The following MAGI2 variants were observed in gnomAD, a reference collection of about 807,000 sequenced individuals.
The protein encoded by MAGI2 is membrane associated guanylate kinase, WW and PDZ domain containing 2.
MAGI2 carries 35 observed loss-of-function variants against 133.3 expected under a neutral mutation model. The ratio of observed to expected loss-of-function variants is 0.26; its 90% CI spans 0.20 to 0.35. The LOEUF (loss-of-function observed/expected upper bound fraction) is 0.35. Ranked by LOEUF, MAGI2 falls within the 10% of genes least tolerant of loss-of-function variation. The probability of loss-of-function intolerance (pLI) is 1.00; values close to 1 mark genes in which losing one functional copy is unlikely to be tolerated. For missense variants in MAGI2, 1,636 were observed against 1,863.4 expected (o/e 0.88, Z 2.25); for synonymous variants, 729 against 710.6 (o/e 1.03, Z -0.41).
At chr7:78,483,328 T>G (rs1239158821) in intron 6 of MAGI2, among the ~76,000 whole-genome samples, 1 of 151,970 alleles carries the variant, frequency 6.6e-6, no homozygotes, top group Non-Finnish European at 1.5e-5. Flanking sequence ...ATACAATTCA[T>G]TGCTCTACAT....
At chr7:78,390,277 A>G (rs1332894132) in intron 6 of MAGI2, among the ~76,000 whole-genome samples, 1 of 152,200 alleles carries the variant, frequency 6.6e-6, no homozygotes, top group Non-Finnish European at 1.5e-5. Context: ...AACTCAAGAA[A>G]ATTATAGAAA....
intron 1 of MAGI2, among the ~76,000 whole-genome samples, chr7:79,356,870 A>G (rs965207624): frequency 2.6e-5 from 4 of 152,194 alleles, no homozygotes; most frequent in Non-Finnish European, 5.9e-5. Context: ...CTTTACATCA[A>G]TGAGTAATAC....
intron 2 of MAGI2, among the ~76,000 whole-genome samples, chr7:78,693,246 A>C (rs1817155998): frequency 6.6e-6 from 1 of 152,144 alleles, no homozygotes. Flanking sequence ...GCTTTGTGTA[A>C]AGCACATAAT....
chr7:78,766,310 G>A (rs1444483100), intron 2 of MAGI2, among the ~76,000 whole-genome samples: 3 of 152,194 alleles, frequency 2.0e-5, no homozygotes, highest in Non-Finnish European at 4.4e-5. Flanking sequence ...TCTTAAAGAT[G>A]CCTGAACTGC....
At chr7:79,205,384 A>G (rs1198975925) in intron 1 of MAGI2, among the ~76,000 whole-genome samples, 1 of 151,948 alleles carries the variant, frequency 6.6e-6, no homozygotes, top group Non-Finnish European at 1.5e-5. Context: ...ATACTGTGTC[A>G]AGCAAAACAG....
At chr7:79,417,121 T>C (rs1193551483) in intron 1 of MAGI2, among the ~76,000 whole-genome samples, 1 of 152,144 alleles carries the variant, frequency 6.6e-6, no homozygotes, top group Non-Finnish European at 1.5e-5. Context: ...TATGTTTTAT[T>C]TATCTAACTA....
chr7:78,550,928 T>G (rs1376172443), intron 3 of MAGI2, among the ~76,000 whole-genome samples: 1 of 152,220 alleles, frequency 6.6e-6, no homozygotes, highest in East Asian at 1.9e-4. Context: ...TCTTTGTATC[T>G]TCTTTTAAAA....
In MAGI2 at chr7:78,256,466, A is replaced by C; in HGVS notation, c.1524T>G (p.Arg508=). 6.2e-7 allele frequency: 1 copy of C among 1,613,974 alleles called. No individual in the cohort carries two copies. Among genetic ancestry groups the C allele is most frequent in the South Asian group, 1.1e-5 (1 of 91,082 alleles). Residue 508 remains arginine, a synonymous_variant, in exon 10 of 22, where the codon CGT becomes CGG. Transcript: ENST00000354212. ...CAGGATCAAAGGGCAAAGGGTAGCC[A>C]CGACACAACACCAGGTTGACACTCT... is the stretch of plus-strand genomic sequence containing the variant. ...IGQSVNLVLC[R]GYPLPFDPED...
At chr7:78,026,351 G>A (rs951209485) in intron 21 of MAGI2, among the ~76,000 whole-genome samples, 2 of 152,190 alleles carry the variant, frequency 1.3e-5, no homozygotes, top group African/African-American at 4.8e-5. Flanking sequence ...AAACCAGAGA[G>A]CTGACCCAAT....
At chr7:78,096,657 A>G (rs1401442430) in intron 20 of MAGI2, among the ~76,000 whole-genome samples, 3 of 152,164 alleles carry the variant, frequency 2.0e-5, no homozygotes, top group Non-Finnish European at 4.4e-5. Flanking sequence ...ATTTTATTGG[A>G]ACACAGCCAT....
At chr7:78,709,890 T>G (rs323176) in intron 2 of MAGI2, among the ~76,000 whole-genome samples, 106,106 of 151,938 alleles carry the variant, frequency 0.7, 37,361 homozygotes, top group East Asian at 0.84. Flanking sequence ...TCCCAGTATT[T>G]ACCCTGTACA....
At chr7:79,106,198 C>A (rs1818436013) in intron 1 of MAGI2, among the ~76,000 whole-genome samples, 1 of 152,052 alleles carries the variant, frequency 6.6e-6, no homozygotes, top group Admixed American at 6.5e-5. Context: ...AGAAGCCAGA[C>A]TCAAAAGGCT....
chr7:78,764,486 G>C (rs1824813617), intron 2 of MAGI2, among the ~76,000 whole-genome samples: 1 of 152,176 alleles, frequency 6.6e-6, no homozygotes, highest in South Asian at 2.1e-4. Flanking sequence ...ACTTAGGAAA[G>C]GAAATGTGAG....
intron 1 of MAGI2, among the ~76,000 whole-genome samples, chr7:79,035,307 T>C (rs893441253): frequency 6.6e-6 from 1 of 152,162 alleles, no homozygotes; most frequent in Non-Finnish European, 1.5e-5. Flanking sequence ...AGCATCATTT[T>C]AGTTTTGCTT....
At chr7:79,188,875 C>G (rs189217869) in intron 1 of MAGI2, among the ~76,000 whole-genome samples, 1 of 151,772 alleles carries the variant, frequency 6.6e-6, no homozygotes, top group Non-Finnish European at 1.5e-5. Context: ...TTTCCATATG[C>G]GTGTATATTA....
chr7:78,447,067 A>C (rs1788218287), intron 6 of MAGI2, among the ~76,000 whole-genome samples: 1 of 152,082 alleles, frequency 6.6e-6, no homozygotes, highest in African/African-American at 2.4e-5. Context: ...AGCACTGCCC[A>C]GGGAGAGACT....
chr7:78,364,670 C>T lies in MAGI2; in HGVS notation c.1103+4486G>A, dbSNP rs117529895. Reference sequence around the variant, plus strand: ...TTGCATGAAAGCTGTCCCAGCAAATCGTGTCTTCTGGACCAGCAGCTAGTT... The same window carrying T: ...TTGCATGAAAGCTGTCCCAGCAAATTGTGTCTTCTGGACCAGCAGCTAGTT... On this transcript the variant is annotated intron_variant, in intron 7 of 21. Transcript: ENST00000354212. Among the ~76,000 whole-genome samples the T allele has an allele frequency of 2.8e-3, 423 of 152,306 alleles. 5 individuals are homozygous for T. In the East Asian group the frequency reaches 0.045, roughly 16 times the overall value.
At position 78,888,383 on chromosome 7, in the gene MAGI2, G is replaced by A. The variant is rs560952784; in HGVS notation, c.418+118707C>T. On this transcript the variant is annotated intron_variant, in intron 2 of 21. Coordinates refer to ENST00000354212, the MANE Select transcript of MAGI2 (RefSeq NM_012301.4). Reference sequence around the variant, plus strand: ...GTCTGACAGCTTTGAAGAGAGTAGCGGTTCTCCCAGCACCCAGCTGGAGAT... The same window carrying A: ...GTCTGACAGCTTTGAAGAGAGTAGCAGTTCTCCCAGCACCCAGCTGGAGAT... Among the ~76,000 whole-genome samples, 14 of 152,280 alleles carry A rather than the reference G, an allele frequency of 9.2e-5. No individual in the cohort carries two copies. The East Asian group carries it at 9.7e-4, about 11-fold the overall frequency.
rs1268355995 is a variant in MAGI2 at position 78,070,204 on chromosome 7, T to C, written c.3706+8743A>G. On this transcript the variant is annotated intron_variant, in intron 21 of 21. Transcript: ENST00000354212. ...ATATATATATATATATATATATATA[T>C]ATATATATATATATACACACACACA... Among the ~76,000 whole-genome samples the C allele has an allele frequency of 3.5e-3, 123 of 34,938 alleles. 2 individuals are homozygous for C. Among genetic ancestry groups the C allele is most frequent in the East Asian group, 0.023 (12 of 532 alleles). The allele number at this position is 34,938 out of a possible 152,430, so 22.9% of individuals were successfully genotyped here.
Sources: gnomAD v4.1 joint callset for allele counts (sites outside exome capture counted in the v4.1 genomes callset) on GRCh38, gnomAD v4.1.1 for gene constraint, MANE v1.5 for transcripts, NCBI Gene and HGNC (gene_info 2026-07-23, HGNC 2026-07-21) for gene names.